The following TENM2 variants were observed in gnomAD, a reference collection of about 807,000 sequenced individuals.
TENM2 encodes teneurin-2.
Under a neutral mutation model 245.2 loss-of-function variants are expected in TENM2, and 52 were observed. The observed-to-expected ratio is 0.21, with a 90% CI of 0.17 to 0.27. The LOEUF (loss-of-function observed/expected upper bound fraction) is 0.27, where lower values mean the gene tolerates loss of function less well. TENM2 is among the 10% of genes least tolerant of loss of function. The pLI is 1.00. For synonymous variants in TENM2, 1,363 were observed against 1,438.9 expected (o/e 0.95, Z 1.19); for missense variants, 3,046 against 3,666.8 (o/e 0.83, Z 4.37).
chr5:168,135,047 C>T (rs754078495), intron 12 of TENM2, among the ~76,000 whole-genome samples: 1 of 152,200 alleles, frequency 6.6e-6, no homozygotes, highest in African/African-American at 2.4e-5. Flanking sequence ...TCCATGGGCT[C>T]TGAGCATCAA....
At chr5:167,558,851 C>T (rs546502929) in intron 2 of TENM2, among the ~76,000 whole-genome samples, 7 of 151,726 alleles carry the variant, frequency 4.6e-5, no homozygotes, top group Admixed American at 3.3e-4. Flanking sequence ...GACCCTGGTG[C>T]CAAAAAGGTT....
At chr5:167,366,082 CAG>C (rs1052634858) in intron 1 of TENM2, among the ~76,000 whole-genome samples, 10 of 116,918 alleles carry the variant, frequency 8.6e-5, no homozygotes, top group Admixed American at 2.0e-4. Context: ...GTCAGAAAAA[CAG>C]AATTTTTTTT....
In TENM2 at chr5:168,037,397, T is replaced by G. The variant is rs188893572; in HGVS notation, c.1187-10030T>G. On this transcript the variant is annotated intron_variant, in intron 5 of 28. Transcript: ENST00000518659. ...GCATGCAGGAGGGAACATATCTATA[T>G]TGACCACAATGGCGTCAAACCAGGT... Among the ~76,000 whole-genome samples, 176 of 152,290 alleles carry G rather than the reference T, an allele frequency of 1.2e-3. 2 individuals are homozygous for G. The highest frequency in any genetic ancestry group is 9.7e-4 in the Non-Finnish European group (66 of 68,024).
intron 2 of TENM2, among the ~76,000 whole-genome samples, chr5:167,869,637 G>A (rs1454513098): frequency 6.6e-6 from 1 of 152,194 alleles, no homozygotes; most frequent in Non-Finnish European, 1.5e-5. Flanking sequence ...TGTTATCAGG[G>A]CACCTCGCAG....
At chr5:167,540,369 G>T (rs1297422296) in intron 2 of TENM2, among the ~76,000 whole-genome samples, 1 of 152,250 alleles carries the variant, frequency 6.6e-6, no homozygotes, top group East Asian at 1.9e-4. Flanking sequence ...GTGTGTTTTT[G>T]TACAGCTGTA....
intron 2 of TENM2, among the ~76,000 whole-genome samples, chr5:167,634,746 T>C (rs1779086807): frequency 6.6e-6 from 1 of 152,128 alleles, no homozygotes; most frequent in Non-Finnish European, 1.5e-5. Context: ...AGGGTGAAAC[T>C]GTTAAACAAA....
chr5:168,215,864 G>A (rs1763148290), intron 21 of TENM2, among the ~76,000 whole-genome samples: 1 of 152,164 alleles, frequency 6.6e-6, no homozygotes, highest in South Asian at 2.1e-4. Context: ...CCAGCGAGGG[G>A]CCTCTGGCCA....
Position 167,711,171 on chromosome 5 carries a change from A to G in TENM2, c.503-164815A>G, listed in dbSNP as rs549613302. 3.3e-5 allele frequency among the ~76,000 whole-genome samples: 5 copies of G among 152,336 alleles called. No individual in the cohort carries two copies. In the East Asian group the frequency reaches 9.7e-4, roughly 29 times the overall value. ...AAATCCAAGTCTGACAACAAACTTTAGTAATCAACCACCAATCCAATAATA... is the reference window on the plus strand; with the variant it reads ...AAATCCAAGTCTGACAACAAACTTTGGTAATCAACCACCAATCCAATAATA... On this transcript the variant is annotated intron_variant, in intron 2 of 28. Transcript: ENST00000518659.
chr5:167,074,467 T>C, the TENM2 span, among the ~76,000 whole-genome samples: 1 of 152,174 alleles, frequency 6.6e-6, no homozygotes, highest in Admixed American at 6.5e-5. Context: ...GTTGAAACAG[T>C]CACTTTAGAA....
At chr5:167,380,223 G>T (rs73369751) in intron 2 of TENM2, among the ~76,000 whole-genome samples, 4,638 of 152,122 alleles carry the variant, frequency 0.03, 191 homozygotes, top group African/African-American at 0.099. Context: ...TTTTTAAAAA[G>T]TTTATTCATG....
In TENM2 at chr5:167,899,422, CAAT is replaced by C. The variant is rs897282965; in HGVS notation, c.712+23240_712+23242del. Among the ~76,000 whole-genome samples, 650 of 152,218 alleles carry C rather than the reference CAAT, an allele frequency of 4.3e-3. 3 individuals are homozygous for C. Among genetic ancestry groups the C allele is most frequent in the African/African-American group, 0.014 (593 of 41,550 alleles). On this transcript the variant is annotated intron_variant, in intron 3 of 28. Coordinates refer to ENST00000518659, the Ensembl canonical transcript of TENM2. ...CATCATGATAGCATAGTAATAATAA[CAAT>C]AATAATAATAATTGGTGTTCACAAT... is the stretch of plus-strand genomic sequence containing the variant.
chr5:168,003,307 AC>A (rs771368325), intron 5 of TENM2, among the ~76,000 whole-genome samples: 8,157 of 28,986 alleles, frequency 0.28, 281 homozygotes, highest in East Asian at 0.48. Flanking sequence ...TTAAGAAAAA[AC>A]ACACACACAC....
rs143571863 is a variant in TENM2 at position 167,724,518 on chromosome 5, G to C, written c.503-151468G>C. The stretch of plus-strand genomic sequence containing the variant: ...TAAGATGCCCAACTTTCATTCTATT[G>C]GGTGGAGGGAAGGAGGGAAGACAGT... On this transcript the variant is annotated intron_variant, in intron 2 of 28. Transcript: ENST00000518659. Among the ~76,000 whole-genome samples the C allele has an allele frequency of 2.4e-3, 370 of 152,028 alleles. 4 individuals carry two copies. Among genetic ancestry groups the C allele is most frequent in the African/African-American group, 8.6e-3 (358 of 41,456 alleles).
At chr5:167,722,357 T>A (rs1048558245) in intron 2 of TENM2, among the ~76,000 whole-genome samples, 4 of 152,152 alleles carry the variant, frequency 2.6e-5, no homozygotes, top group African/African-American at 9.7e-5. Context: ...GAGTTGCTCA[T>A]TTTCCAAGAG....
chr5:167,526,477 A>G (rs375701435), intron 2 of TENM2, among the ~76,000 whole-genome samples: 1 of 151,896 alleles, frequency 6.6e-6, no homozygotes, highest in Non-Finnish European at 1.5e-5. Context: ...TTAATGTTTC[A>G]TAAGAAGCCT....
At chr5:167,616,876 G>A (rs1356158885) in intron 2 of TENM2, among the ~76,000 whole-genome samples, 2 of 151,966 alleles carry the variant, frequency 1.3e-5, no homozygotes, top group African/African-American at 4.8e-5. Context: ...TGAAAATGTA[G>A]GTGTCTCTTA....
chr5:167,521,407 G>C (rs1770748105), intron 2 of TENM2, among the ~76,000 whole-genome samples: 1 of 152,146 alleles, frequency 6.6e-6, no homozygotes, highest in Non-Finnish European at 1.5e-5. Context: ...CATATCCATT[G>C]ACTTTGAACA....
chr5:167,214,421 T>TGCGAGCTAATGAAAATTACA, the TENM2 span, among the ~76,000 whole-genome samples: 1 of 152,208 alleles, frequency 6.6e-6, no homozygotes, highest in African/African-American at 2.4e-5. Context: ...TCAAGCCTTT[T>TGCGAGCTAATGAAAATTACA]GCGAGCTAAT....
intron 2 of TENM2, among the ~76,000 whole-genome samples, chr5:167,823,449 C>T (rs927159732): frequency 3.3e-5 from 5 of 152,190 alleles, no homozygotes; most frequent in African/African-American, 1.2e-4. Flanking sequence ...CCCCTCACCC[C>T]CCTGCCACCA....
Sources: gnomAD v4.1 joint callset for allele counts (sites outside exome capture counted in the v4.1 genomes callset) on GRCh38, gnomAD v4.1.1 for gene constraint, MANE v1.5 for transcripts, NCBI Gene and HGNC (gene_info 2026-07-23, HGNC 2026-07-21) for gene names.